GRID2: variants seen among roughly 807,000 people sequenced by gnomAD.
GRID2 encodes glutamate receptor ionotropic, delta-2.
A neutral mutation model predicts 114.8 loss-of-function variants in GRID2; 33 were observed. The observed-to-expected ratio is 0.29, with a 90% CI of 0.22 to 0.38. The LOEUF is 0.38. GRID2 is among the 10% of genes least tolerant of loss of function. The pLI is 1.00. For missense variants in GRID2, 1,184 were observed against 1,257.7 expected, an observed-to-expected ratio of 0.94 and a Z score of 0.89; for synonymous variants, 505 against 449.9, an observed-to-expected ratio of 1.12 and a Z score of -1.55.
chr4:93,126,284 A>C (rs1386622018), intron 4 of GRID2, among the ~76,000 whole-genome samples: 1 of 152,070 alleles, frequency 6.6e-6, no homozygotes, highest in Non-Finnish European at 1.5e-5. Context: ...TGAGGGGAAA[A>C]ACCTAACTTT....
intron 2 of GRID2, among the ~76,000 whole-genome samples, chr4:92,768,371 G>C (rs535358434): frequency 4.7e-4 from 71 of 152,232 alleles, no homozygotes; most frequent in African/African-American, 1.7e-3. Context: ...GATCTGATCT[G>C]TGACCTTAAT....
chr4:92,919,685 G>T (rs1431998308), intron 2 of GRID2, among the ~76,000 whole-genome samples: 1 of 152,154 alleles, frequency 6.6e-6, no homozygotes, highest in African/African-American at 2.4e-5. Context: ...TTAATCCTGA[G>T]TTCTAGTTTG....
intron 2 of GRID2, among the ~76,000 whole-genome samples, chr4:92,755,461 A>G (rs1737668582): frequency 6.6e-6 from 1 of 152,138 alleles, no homozygotes; most frequent in African/African-American, 2.4e-5. Context: ...ATGCAGAGTA[A>G]CAGGATGGAG....
At chr4:93,527,393 T>A (rs1353106059) in intron 13 of GRID2, among the ~76,000 whole-genome samples, 2 of 152,152 alleles carry the variant, frequency 1.3e-5, no homozygotes, top group Non-Finnish European at 2.9e-5. Flanking sequence ...AATTTGAATG[T>A]CTTGATAGTG....
rs377426741 is a variant in GRID2 at position 92,442,143 on chromosome 4, G to A, written c.88+137399G>A. 1.3e-4 allele frequency among the ~76,000 whole-genome samples: 19 copies of A among 150,688 alleles called. No homozygotes were observed. In the Middle Eastern group the frequency reaches 0.01, roughly 81 times the overall value. ...TCCATATTGATTAAGAAGGGGACGG[G>A]CTTACCTTCCACTGTGAGAGTTACC... On this transcript the variant is annotated intron_variant, in intron 1 of 15. Coordinates refer to ENST00000282020, the MANE Select transcript of GRID2 (RefSeq NM_001510.4).
At chr4:92,346,464 A>G (rs1384968269) in intron 1 of GRID2, among the ~76,000 whole-genome samples, 1 of 152,046 alleles carries the variant, frequency 6.6e-6, no homozygotes, top group Non-Finnish European at 1.5e-5. Context: ...TGCCAGGCTC[A>G]ACTGCTCTTC....
chr4:92,735,466 C>A (rs1273898643), intron 2 of GRID2, among the ~76,000 whole-genome samples: 1 of 152,038 alleles, frequency 6.6e-6, no homozygotes, highest in Non-Finnish European at 1.5e-5. Context: ...ATTTTGGAAC[C>A]ATGGTTGACA....
intron 1 of GRID2, among the ~76,000 whole-genome samples, chr4:92,580,225 A>C (rs1199094405): frequency 6.6e-6 from 1 of 151,480 alleles, no homozygotes; most frequent in African/African-American, 2.4e-5. Context: ...TTACATGGCA[A>C]TTCCCTGGAA....
At chr4:92,369,985 C>T (rs1729045261) in intron 1 of GRID2, among the ~76,000 whole-genome samples, 1 of 152,068 alleles carries the variant, frequency 6.6e-6, no homozygotes, top group Non-Finnish European at 1.5e-5. Flanking sequence ...TATTACACTT[C>T]ACTTTATTGC....
chr4:92,717,230 C>A (rs1735594452), intron 2 of GRID2, among the ~76,000 whole-genome samples: 1 of 152,118 alleles, frequency 6.6e-6, no homozygotes, highest in Non-Finnish European at 1.5e-5. Flanking sequence ...TGACCTGAGA[C>A]TATCATAAGG....
chr4:93,036,117 C>T (rs1425096695), intron 2 of GRID2, among the ~76,000 whole-genome samples: 1 of 152,014 alleles, frequency 6.6e-6, no homozygotes, highest in Non-Finnish European at 1.5e-5. Flanking sequence ...GTCTATATTT[C>T]GGTGGTCATT....
intron 2 of GRID2, among the ~76,000 whole-genome samples, chr4:92,848,286 G>C (rs889038807): frequency 6.7e-6 from 1 of 150,020 alleles, no homozygotes; most frequent in Non-Finnish European, 1.5e-5. Flanking sequence ...TTTTAGGCTT[G>C]ACTTAATGTA....
rs1217703333 is a variant in GRID2 at position 93,207,384 on chromosome 4, T to G, written c.736-20T>G. ...TGCATGATTAATTTTGACTGATAGC[T>G]GATTTGTTTTCTATTCTAGGTTGTG... is the stretch of plus-strand genomic sequence containing the variant. On this transcript the variant is annotated intron_variant, in intron 4 of 15. Transcript: ENST00000282020. 1 of 1,555,680 alleles carries G rather than the reference T, an allele frequency of 6.4e-7. No homozygotes were observed. The highest frequency in any genetic ancestry group is 8.9e-7 in the Non-Finnish European group (1 of 1,127,236).
intron 14 of GRID2, among the ~76,000 whole-genome samples, chr4:93,738,292 C>G (rs958586704): frequency 2.6e-5 from 4 of 151,982 alleles, no homozygotes; most frequent in Non-Finnish European, 5.9e-5. Flanking sequence ...TTAGCAAGTG[C>G]AGTAGGAATC....
intron 2 of GRID2, among the ~76,000 whole-genome samples, chr4:92,618,772 T>A (rs1730132197): frequency 6.6e-6 from 1 of 151,784 alleles, no homozygotes; most frequent in Admixed American, 6.6e-5. Flanking sequence ...TCCGAGGTAA[T>A]TTATTACTTT....
At chr4:92,835,806 A>C (rs928508876) in intron 2 of GRID2, among the ~76,000 whole-genome samples, 10 of 151,974 alleles carry the variant, frequency 6.6e-5, no homozygotes, top group Non-Finnish European at 1.2e-4. Flanking sequence ...GAGTGTATAC[A>C]CTCCCCTCCA....
chr4:93,578,066 G>C (rs558956755), intron 13 of GRID2, among the ~76,000 whole-genome samples: 1 of 152,152 alleles, frequency 6.6e-6, no homozygotes, highest in African/African-American at 2.4e-5. Flanking sequence ...CCACTGTTGA[G>C]AACTTCTTTC....
intron 1 of GRID2, among the ~76,000 whole-genome samples, chr4:92,346,390 G>T (rs1239469078): frequency 1.3e-5 from 2 of 152,092 alleles, no homozygotes; most frequent in East Asian, 3.9e-4. Context: ...TTTGCGACAG[G>T]GTCTTGCTCT....
intron 14 of GRID2, among the ~76,000 whole-genome samples, chr4:93,677,458 G>C (rs561021074): frequency 2.0e-5 from 3 of 152,318 alleles, no homozygotes; most frequent in African/African-American, 7.2e-5. Flanking sequence ...GGAGATCTGA[G>C]AACGGGCAGA....
Sources: allele counts gnomAD v4.1 joint callset (sites outside exome capture counted in the v4.1 genomes callset), GRCh38; gene constraint gnomAD v4.1.1; transcripts MANE v1.5; gene names NCBI Gene and HGNC (gene_info 2026-07-23, HGNC 2026-07-21).